Variants in GPHN observed in about 807,000 individuals in gnomAD.
GPHN encodes gephyrin.
Under a neutral mutation model 95.5 loss-of-function variants are expected in GPHN, and 17 were observed. The ratio of observed to expected loss-of-function variants is 0.18; its 90% CI spans 0.12 to 0.27. The LOEUF is 0.27. GPHN is among the 10% of genes least tolerant of loss of function. The pLI is 1.00. For synonymous variants in GPHN, 320 were observed against 322.5 expected (o/e 0.99, Z 0.08); for missense variants, 660 against 978.1 (o/e 0.67, Z 4.34).
the GPHN span, among the ~76,000 whole-genome samples, chr14:67,512,443 C>T: frequency 1.3e-5 from 2 of 152,174 alleles, no homozygotes; most frequent in Non-Finnish European, 2.9e-5. Flanking sequence ...AAGGCTTTGC[C>T]AGGTCAGAAA....
chr14:67,352,780 T>C, the GPHN span: 1 of 607,396 alleles, frequency 1.6e-6, no homozygotes, highest in African/African-American at 1.9e-5. Flanking sequence ...CTATTTGATA[T>C]TTGACACTTG....
intron 1 of GPHN, among the ~76,000 whole-genome samples, chr14:66,581,483 GAAGA>G (rs1349874622): frequency 6.6e-6 from 1 of 151,904 alleles, no homozygotes; most frequent in East Asian, 1.9e-4. Context: ...AGCAAGAAAG[GAAGA>G]AAGAATTACA....
At chr14:66,525,984 A>G (rs1180146781) in intron 1 of GPHN, among the ~76,000 whole-genome samples, 3 of 151,600 alleles carry the variant, frequency 2.0e-5, no homozygotes, top group Non-Finnish European at 4.4e-5. Flanking sequence ...TTTTGGTTCC[A>G]TATGAAATTT....
chr14:67,369,357 C>T, the GPHN span, among the ~76,000 whole-genome samples: 1 of 151,962 alleles, frequency 6.6e-6, no homozygotes, highest in Non-Finnish European at 1.5e-5. Flanking sequence ...TAATAGAGTT[C>T]AAAATATAAA....
chr14:67,315,252 C>T, the GPHN span, among the ~76,000 whole-genome samples: 2 of 144,650 alleles, frequency 1.4e-5, no homozygotes, highest in Non-Finnish European at 3.0e-5. Context: ...TTTTAAAAAT[C>T]GGTTACTTAT....
the GPHN span, among the ~76,000 whole-genome samples, chr14:67,297,160 A>G: frequency 6.6e-6 from 1 of 152,248 alleles, no homozygotes; most frequent in African/African-American, 2.4e-5. Context: ...ATGGTGAAAC[A>G]CCCACACATT....
chr14:66,763,600 A>C (rs2058843952), intron 2 of GPHN, among the ~76,000 whole-genome samples: 1 of 151,648 alleles, frequency 6.6e-6, no homozygotes, highest in African/African-American at 2.4e-5. Context: ...ATAGTATTCC[A>C]TGGTGTATAT....
At chr14:67,330,138 A>T in the GPHN span, among the ~76,000 whole-genome samples, 595 of 146,478 alleles carry the variant, frequency 4.1e-3, 3 homozygotes, top group African/African-American at 0.014. Flanking sequence ...ACCAGGAAAT[A>T]AATAATAATA....
At chr14:66,705,845 A>C (rs1226667064) in intron 2 of GPHN, among the ~76,000 whole-genome samples, 10 of 152,340 alleles carry the variant, frequency 6.6e-5, no homozygotes, top group African/African-American at 2.4e-4. Flanking sequence ...AATAAAGTGT[A>C]TTCACATAGG....
chr14:67,134,024 TTCCC>T (rs1214023230), intron 17 of GPHN, among the ~76,000 whole-genome samples: 1 of 152,232 alleles, frequency 6.6e-6, no homozygotes, highest in African/African-American at 2.4e-5. Context: ...AGATTGGTGT[TTCCC>T]TCTATGCTTC....
chr14:66,558,506 C>A (rs541605067), intron 1 of GPHN, among the ~76,000 whole-genome samples: 2 of 152,134 alleles, frequency 1.3e-5, no homozygotes, highest in Admixed American at 6.6e-5. Flanking sequence ...ATTCATCAAA[C>A]CCCTGTATAT....
At chr14:66,880,600 A>G (rs2063881815) in intron 5 of GPHN, among the ~76,000 whole-genome samples, 1 of 152,032 alleles carries the variant, frequency 6.6e-6, no homozygotes, top group Non-Finnish European at 1.5e-5. Context: ...AGGAGCTTAT[A>G]TTCCAATTTA....
chr14:66,946,030 T>G (rs74056527), intron 8 of GPHN, among the ~76,000 whole-genome samples: 1,910 of 152,276 alleles, frequency 0.013, 57 homozygotes, highest in African/African-American at 0.043. Flanking sequence ...CCCTGAAATT[T>G]TTTTTTAATT....
chr14:66,665,837 A>T (rs986712971), intron 1 of GPHN, among the ~76,000 whole-genome samples: 1 of 152,142 alleles, frequency 6.6e-6, no homozygotes, highest in African/African-American at 2.4e-5. Context: ...AATAGTAAAG[A>T]CTTGGAACCT....
At chr14:67,430,182 C>CAAA in the GPHN span, among the ~76,000 whole-genome samples, 1 of 152,238 alleles carries the variant, frequency 6.6e-6, no homozygotes, top group South Asian at 2.1e-4. Flanking sequence ...CATTCCAGTC[C>CAAA]CCTCCACAAA....
rs139090413 is a variant in GPHN at position 67,056,566 on chromosome 14, G to A, written c.1007-2083G>A. ...CGCTGATTGGTGCATCCACAAACCC[G>A]AGCTAGACACAGAGTGCTGATTGGT... On this transcript the variant is annotated intron_variant, in intron 10 of 22. Transcript: ENST00000478722. Among the ~76,000 whole-genome samples, 775 of 152,226 alleles carry A rather than the reference G, an allele frequency of 5.1e-3. 4 individuals carry two copies. The highest frequency in any genetic ancestry group is 0.017 in the African/African-American group (721 of 41,546).
At chr14:67,403,705 T>G in the GPHN span, among the ~76,000 whole-genome samples, 1 of 152,208 alleles carries the variant, frequency 6.6e-6, no homozygotes, top group Non-Finnish European at 1.5e-5. Context: ...ATGAAAATGT[T>G]CAAATCCTTT....
intron 5 of GPHN, among the ~76,000 whole-genome samples, chr14:66,912,370 C>G (rs2065713832): frequency 6.6e-6 from 1 of 152,046 alleles, no homozygotes; most frequent in Non-Finnish European, 1.5e-5. Context: ...TACCCCTACC[C>G]TTCCTTACCT....
intron 9 of GPHN, among the ~76,000 whole-genome samples, chr14:66,993,489 T>G (rs2153605528): frequency 6.6e-6 from 1 of 152,312 alleles, no homozygotes; most frequent in South Asian, 2.1e-4. Flanking sequence ...CAAAGATATT[T>G]CCCCTGAAGA....
Sources: gnomAD v4.1 joint callset for allele counts (sites outside exome capture counted in the v4.1 genomes callset) on GRCh38, gnomAD v4.1.1 for gene constraint, MANE v1.5 for transcripts, NCBI Gene and HGNC (gene_info 2026-07-23, HGNC 2026-07-21) for gene names.